Variants in MARCHF1 observed in about 807,000 individuals in gnomAD.
MARCHF1 encodes the protein membrane associated ring-CH-type finger 1, also known as E3 ubiquitin-protein ligase MARCHF1.
In MARCHF1, 40 loss-of-function variants were observed where a neutral mutation model predicts 54.2. The ratio of observed to expected loss-of-function variants is 0.74; its 90% confidence interval spans 0.57 to 0.96. MARCHF1 has a LOEUF of 0.96. Among genes scored for constraint, MARCHF1 ranks in the 40% least tolerant of loss-of-function variants. MARCHF1 has a pLI of 0.00. For missense variants in MARCHF1, 586 were observed against 656.5 expected, an observed-to-expected ratio of 0.89 and a Z score of 1.17; for synonymous variants, 236 against 236.3, an observed-to-expected ratio of 1.00 and a Z score of 0.01.
intron 1 of MARCHF1, among the ~76,000 whole-genome samples, chr4:164,196,088 A>C (rs1388630965): frequency 6.6e-6 from 1 of 152,150 alleles, no homozygotes; most frequent in African/African-American, 2.4e-5. Context: ...AGTCTTCATT[A>C]GTTTTTAATT....
chr4:163,906,456 ATTCAAATATTTTTTT>A lies in MARCHF1; in HGVS notation c.-38-52302_-38-52288del, dbSNP rs542386648. ...AAAGCTTGTTAGATATCTGACTACA[ATTCAAATATTTTTTT>A]TTCAAATACAAAATTTTTTATTTAA... On this transcript the variant is annotated intron_variant, in intron 3 of 9. Coordinates refer to ENST00000514618, the MANE Select transcript of MARCHF1 (RefSeq NM_001394959.1). Among the ~76,000 whole-genome samples the A allele has an allele frequency of 3.5e-3, 529 of 152,102 alleles. 5 individuals carry two copies. The highest frequency in any genetic ancestry group is 0.012 in the African/African-American group (492 of 41,542).
chr4:164,241,368 C>A (rs1732742285), intron 1 of MARCHF1, among the ~76,000 whole-genome samples: 1 of 152,178 alleles, frequency 6.6e-6, no homozygotes, highest in Non-Finnish European at 1.5e-5. Context: ...GCTGCAACAT[C>A]ATTGCTGTTG....
intron 2 of MARCHF1, among the ~76,000 whole-genome samples, chr4:164,095,444 T>C (rs1170780541): frequency 6.6e-6 from 1 of 151,624 alleles, no homozygotes; most frequent in Non-Finnish European, 1.5e-5. Context: ...ACACCAACCT[T>C]AGTCAAGTCA....
chr4:164,266,062 A>G (rs953743569), intron 1 of MARCHF1, among the ~76,000 whole-genome samples: 3 of 152,186 alleles, frequency 2.0e-5, no homozygotes, highest in Non-Finnish European at 4.4e-5. Context: ...TAGTGCCTGG[A>G]ATATGCAGTA....
intron 1 of MARCHF1, among the ~76,000 whole-genome samples, chr4:164,322,009 G>A (rs1425350352): frequency 1.3e-5 from 2 of 151,990 alleles, no homozygotes; most frequent in African/African-American, 2.4e-5. Context: ...AGTTTTGAGC[G>A]AAGGAAATAT....
At chr4:164,201,385 A>T (rs113083725) in intron 1 of MARCHF1, among the ~76,000 whole-genome samples, 15,801 of 151,908 alleles carry the variant, frequency 0.1, 1,062 homozygotes, top group Admixed American at 0.2. Context: ...ACACCCAGAT[A>T]ATTTTTTTGT....
At chr4:163,964,146 A>G (rs1467499495) in intron 3 of MARCHF1, among the ~76,000 whole-genome samples, 1 of 151,950 alleles carries the variant, frequency 6.6e-6, no homozygotes, top group Non-Finnish European at 1.5e-5. Flanking sequence ...CTTCCTCTAA[A>G]TATCTATAAC....
chr4:164,040,407 T>C (rs1754102846), intron 2 of MARCHF1, among the ~76,000 whole-genome samples: 1 of 144,674 alleles, frequency 6.9e-6, no homozygotes, highest in Non-Finnish European at 1.5e-5. Flanking sequence ...AATTCATATA[T>C]ACTTATATAT....
chr4:163,886,350 T>G lies in MARCHF1; in HGVS notation c.-38-32181A>C, dbSNP rs867507885. 6.3e-5 allele frequency among the ~76,000 whole-genome samples: 9 copies of G among 142,918 alleles called. No homozygotes were observed. The South Asian group carries it at 9.1e-4, about 14-fold the overall frequency. The allele number at this position is 142,918 out of a possible 152,430, so 93.8% of individuals were successfully genotyped here. ...ATAGATAGATAGATAGATAGATAGA[T>G]ATAGATAGATAGATATAGACAGATA... On this transcript the variant is annotated intron_variant, in intron 3 of 9. Coordinates refer to ENST00000514618, the MANE Select transcript of MARCHF1 (RefSeq NM_001394959.1).
intron 1 of MARCHF1, among the ~76,000 whole-genome samples, chr4:164,331,099 T>C (rs779263086): frequency 6.6e-6 from 1 of 152,190 alleles, no homozygotes; most frequent in Non-Finnish European, 1.5e-5. Flanking sequence ...CCTTTTTATA[T>C]CATTAGTCAA....
intron 4 of MARCHF1, among the ~76,000 whole-genome samples, chr4:163,745,471 A>G (rs922746170): frequency 5.3e-5 from 8 of 152,090 alleles, no homozygotes; most frequent in African/African-American, 1.9e-4. Context: ...CGCTGATACA[A>G]ATACACAAGG....
chr4:164,039,764 T>C (rs1754085030), intron 2 of MARCHF1, among the ~76,000 whole-genome samples: 1 of 152,016 alleles, frequency 6.6e-6, no homozygotes, highest in African/African-American at 2.4e-5. Flanking sequence ...AATAAATGAA[T>C]ACTTCGAGAA....
At chr4:163,904,767 GAC>G (rs1751021693) in intron 3 of MARCHF1, among the ~76,000 whole-genome samples, 1 of 23,250 alleles carries the variant, frequency 4.3e-5, no homozygotes, top group African/African-American at 6.9e-5. Flanking sequence ...GAGAGAAAGA[GAC>G]AGAGACAGAG....
intron 4 of MARCHF1, among the ~76,000 whole-genome samples, chr4:163,713,404 A>C (rs965119014): frequency 3.3e-5 from 5 of 152,182 alleles, no homozygotes; most frequent in African/African-American, 1.2e-4. Context: ...ATCCTAGGCA[A>C]GTTACTTATT....
intron 4 of MARCHF1, among the ~76,000 whole-genome samples, chr4:163,794,032 T>G (rs1747844144): frequency 6.6e-6 from 1 of 152,230 alleles, no homozygotes. Context: ...TTATATTTTC[T>G]TTCTAAGTAC....
At chr4:164,108,380 AT>A (rs1755754597) in intron 2 of MARCHF1, among the ~76,000 whole-genome samples, 1 of 152,060 alleles carries the variant, frequency 6.6e-6, no homozygotes, top group Admixed American at 6.6e-5. Flanking sequence ...TAATTACATT[AT>A]TCTCTGAATG....
At chr4:164,045,305 A>C (rs1754218546) in intron 2 of MARCHF1, among the ~76,000 whole-genome samples, 2 of 151,758 alleles carry the variant, frequency 1.3e-5, no homozygotes, top group Admixed American at 1.3e-4. Flanking sequence ...TGAGGTTAGG[A>C]GTTTGAGATC....
intron 4 of MARCHF1, among the ~76,000 whole-genome samples, chr4:163,843,048 T>C (rs913648788): frequency 4.6e-5 from 7 of 152,130 alleles, no homozygotes; most frequent in Admixed American, 2.0e-4. Context: ...CCGGTGTTTA[T>C]TGCTTCCCCT....
At chr4:164,156,816 G>A (rs1339049931) in intron 1 of MARCHF1, among the ~76,000 whole-genome samples, 1 of 152,098 alleles carries the variant, frequency 6.6e-6, no homozygotes, top group East Asian at 1.9e-4. Flanking sequence ...CCATGTATCT[G>A]TTTATAGGCC....
Sources: allele counts gnomAD v4.1 joint callset (sites outside exome capture counted in the v4.1 genomes callset), GRCh38; gene constraint gnomAD v4.1.1; transcripts MANE v1.5; gene names NCBI Gene and HGNC (gene_info 2026-07-23, HGNC 2026-07-21).